TREML4: variants seen among roughly 807,000 people sequenced by gnomAD.
The protein encoded by TREML4 is trem-like transcript 4 protein.
TREML4 carries 25 observed loss-of-function variants against 25.4 expected under a neutral mutation model. The ratio of observed to expected loss-of-function variants is 0.98; its 90% CI spans 0.72 to 1.37. TREML4 has a LOEUF of 1.37. Ranked by LOEUF, TREML4 falls within the 40% of genes most tolerant of loss-of-function variation. TREML4 has a pLI of 0.00. For missense variants in TREML4, 268 were observed against 236.5 expected (o/e 1.13, Z -0.87); for synonymous variants, 92 against 87.9 (o/e 1.05, Z -0.26).
At chr6:41,229,933 C>T in intron 3 of TREML4, 129 bp from the exon 4 acceptor site, 1 of 785,598 alleles carries the variant, frequency 1.3e-6, no homozygotes, top group Non-Finnish European at 2.2e-6. Flanking sequence ...GCCTCAGTTA[C>T]CCTTAGCCTG....
At chr6:41,231,272 A>G (rs1582116069) in intron 4 of TREML4, 1 of 200,750 alleles carries the variant, frequency 5.0e-6, no homozygotes, top group Admixed American at 4.7e-5. Context: ...CTTCCACAAA[A>G]CAGTTCTCAG....
chr6:41,229,195 G>T, intron 2 of TREML4, 151 bp downstream of exon 2: 1 of 729,266 alleles, frequency 1.4e-6, no homozygotes, highest in Non-Finnish European at 2.2e-6. Context: ...CCCCAAACAT[G>T]GACTCTCACC....
At chr6:41,235,885 T>C (rs1166240002) in intron 4 of TREML4, among the ~76,000 whole-genome samples, 4 of 152,182 alleles carry the variant, frequency 2.6e-5, no homozygotes, top group Non-Finnish European at 5.9e-5. Flanking sequence ...CTTTATCATA[T>C]ATTATGTAAT....
rs1415078290 is a variant in TREML4 at position 41,238,653 on chromosome 6, C to T, written c.*1634C>T. 1 of 152,132 alleles carries T rather than the reference C, an allele frequency of 6.6e-6. No individual in the cohort carries two copies. Among genetic ancestry groups the T allele is most frequent in the Non-Finnish European group, 1.5e-5 (1 of 68,032 alleles). The allele number at this position is 152,132 out of a possible 1,614,324, so 9.4% of individuals were successfully genotyped here. A position where few individuals can be genotyped will look rare whatever the true frequency, so the allele number is the denominator to read the frequency against. Reference sequence around the variant, plus strand: ...TGGGATCTCAGACATCTAATTAATACTGCCAGCTTGTGTTGCCTGAACCAA... The same window carrying T: ...TGGGATCTCAGACATCTAATTAATATTGCCAGCTTGTGTTGCCTGAACCAA... On this transcript the variant is annotated 3_prime_UTR_variant, in exon 6 of 6. Coordinates refer to ENST00000341495, the MANE Select transcript of TREML4 (RefSeq NM_198153.3).
chr6:41,229,770 G>A (rs969314716), intron 3 of TREML4, 199 bp downstream of exon 3: 26 of 656,878 alleles, frequency 4.0e-5, no homozygotes, highest in African/African-American at 1.1e-4. Flanking sequence ...TCAGAAGATC[G>A]CCATGTTCTC....
intron 5 of TREML4, 73 bp from the exon 6 acceptor site, chr6:41,236,982 G>C (rs1357798502): frequency 1.7e-5 from 3 of 174,918 alleles, no homozygotes; most frequent in Non-Finnish European, 2.5e-5. Flanking sequence ...ACAGGTAACA[G>C]GGACAGGGTG....
intron 3 of TREML4, 98 bp from the exon 4 acceptor site, chr6:41,229,964 T>C: frequency 9.7e-7 from 1 of 1,030,758 alleles, no homozygotes. Context: ...AGGGGCTGCC[T>C]CTGGCCCCTC....
At chr6:41,231,778 C>T (rs775488290) in intron 4 of TREML4, among the ~76,000 whole-genome samples, 8 of 151,936 alleles carry the variant, frequency 5.3e-5, no homozygotes, top group South Asian at 4.2e-4. Flanking sequence ...TTAGGAGACA[C>T]GAAGGAGAAG....
intron 5 of TREML4, 112 bp downstream of exon 5, chr6:41,236,729 T>A (rs924668141): frequency 8.2e-6 from 5 of 612,098 alleles, no homozygotes; most frequent in South Asian, 2.0e-5. Flanking sequence ...AAATGACAGC[T>A]GGGAACAATT....
chr6:41,231,515 G>GC (rs1464700960), intron 4 of TREML4, among the ~76,000 whole-genome samples: 3 of 152,122 alleles, frequency 2.0e-5, no homozygotes, highest in African/African-American at 7.2e-5. Context: ...TATGGGAACT[G>GC]CCCATTCCCC....
chr6:41,230,710 C>A (rs566737446), intron 4 of TREML4, among the ~76,000 whole-genome samples: 15 of 152,172 alleles, frequency 9.9e-5, no homozygotes, highest in Admixed American at 3.9e-4. Flanking sequence ...AACTCCAGCA[C>A]GGGTAGATTA....
rs1211799662 is a variant in TREML4, at chr6:41,228,814, G to A, written c.164G>A (p.Cys55Tyr). 6.2e-7 allele frequency: 1 copy of A among 1,614,122 alleles called. No individual in the cohort carries two copies. Reference sequence around the variant, plus strand: ...GGGCCCTATCAGCCCAAATCCTGGTGTCAGCAGACATCTCCAAGTCGGTGT... The same window carrying A: ...GGGCCCTATCAGCCCAAATCCTGGTATCAGCAGACATCTCCAAGTCGGTGT... ...KRGPYQPKSW[C>Y]QQTSPSRCTL... Residue 55 changes from cysteine (C) to tyrosine (Y), a missense_variant, in exon 2 of 6, where the codon TGT becomes TAT. Cys to Tyr is a radical substitution (Grantham distance 194). Transcript: ENST00000341495.
chr6:41,232,465 G>A (rs1251933838), intron 4 of TREML4: 1 of 259,352 alleles, frequency 3.9e-6, no homozygotes, highest in South Asian at 3.8e-5. Flanking sequence ...TGGCACCAGA[G>A]ACTGGCTTCG....
At position 41,237,198 on chromosome 6, in the gene TREML4, C is replaced by T. The variant is rs114450535; in HGVS notation, c.*179C>T. 3.2e-3 allele frequency: 484 copies of T among 153,368 alleles called. No individual in the cohort carries two copies. Among genetic ancestry groups the T allele is most frequent in the Middle Eastern group, 6.8e-3 (2 of 296 alleles). 9.5% of individuals were successfully genotyped at this position (153,368 alleles called of 1,614,324 possible). A position where few individuals can be genotyped will look rare whatever the true frequency, so the allele number is the denominator to read the frequency against. On this transcript the variant is annotated 3_prime_UTR_variant, in exon 6 of 6. Coordinates refer to ENST00000341495, the MANE Select transcript of TREML4 (RefSeq NM_198153.3). The stretch of plus-strand genomic sequence containing the variant: ...GAGCTGGCCTAAGTATTGCTCCCCA[C>T]CTCCTTGTGAGGAAAGGCTAGCGCT...
Position 41,228,465 on chromosome 6 carries a change from T to C in TREML4, c.38T>C (p.Leu13Pro). Residue 13 changes from leucine to proline, a missense_variant, in exon 1 of 6, where the codon CTG becomes CCG. Coordinates refer to ENST00000341495, the MANE Select transcript of TREML4 (RefSeq NM_198153.3). ...WGGVHTCCFH[L>P]CCCCSWPQGA... is the part of the protein sequence containing the mutation. ...GGGGTCCACACCTGCTGCTTCCACC[T>C]GTGCTGCTGCTGCTCCTGGCCTCAG... 6.2e-7 allele frequency: 1 copy of C among 1,612,992 alleles called. No homozygotes were observed.
intron 5 of TREML4, 109 bp downstream of exon 5, chr6:41,236,726 A>G: frequency 1.6e-6 from 1 of 616,118 alleles, no homozygotes. Context: ...GAAAAATGAC[A>G]GCTGGGAACA....
At chr6:41,233,829 C>T (rs917439455) in intron 4 of TREML4, among the ~76,000 whole-genome samples, 18 of 150,932 alleles carry the variant, frequency 1.2e-4, no homozygotes, top group African/African-American at 4.4e-4. Flanking sequence ...ATAAACTATG[C>T]TTTTAAATAT....
rs1582120617 is a variant in TREML4, at chr6:41,238,222, T to A, written c.*1203T>A. 6.6e-6 allele frequency: 1 copy of A among 152,242 alleles called. No individual in the cohort carries two copies. The allele number at this position is 152,242 out of a possible 1,614,324, so 9.4% of individuals were successfully genotyped here. On this transcript the variant is annotated 3_prime_UTR_variant, in exon 6 of 6. Coordinates refer to ENST00000341495, the MANE Select transcript of TREML4 (RefSeq NM_198153.3). ...ATCGCTTTTGCTTTGTTTATTTATT[T>A]TTTTAATCCTCATTCCCTATGTCCA...
intron 4 of TREML4, among the ~76,000 whole-genome samples, chr6:41,233,110 A>C (rs1386763830): frequency 8.5e-5 from 13 of 152,382 alleles, no homozygotes. Context: ...TGTAGATAAG[A>C]GTCTTCAGGT....
Sources: allele counts gnomAD v4.1 joint callset (sites outside exome capture counted in the v4.1 genomes callset), GRCh38; gene constraint gnomAD v4.1.1; transcripts MANE v1.5; gene names NCBI Gene and HGNC (gene_info 2026-07-23, HGNC 2026-07-21).